RPA1: variants seen among roughly 807,000 people sequenced by gnomAD.
RPA1 encodes replication protein A1.
RPA1 carries 49 observed loss-of-function variants against 83.0 expected under a neutral mutation model. That is an observed-to-expected ratio of 0.59 (90% CI 0.47 to 0.75). The LOEUF is 0.75. Ranked by LOEUF, RPA1 falls within the 30% of genes least tolerant of loss-of-function variation. The pLI is 0.00. For missense variants in RPA1, 693 were observed against 776.1 expected (o/e 0.89, Z 1.27); for synonymous variants, 279 against 281.8 (o/e 0.99, Z 0.10).
intron 4 of RPA1, among the ~76,000 whole-genome samples, chr17:1,847,100 G>A (rs1407333278): frequency 6.6e-6 from 1 of 151,900 alleles, no homozygotes; most frequent in Non-Finnish European, 1.5e-5. Flanking sequence ...TTCTTTAATC[G>A]GCTTTGCCTC....
rs563534793 is a variant in RPA1, at chr17:1,889,948, C to T, written c.1551+1097C>T. ...CCGGGAGGCAGAGGTTGCAGTGAGC[C>T]GAGATCACACCACTGCACTCCAGCC... On this transcript the variant is annotated intron_variant, in intron 14 of 16. Transcript: ENST00000254719. 9.9e-5 allele frequency among the ~76,000 whole-genome samples: 15 copies of T among 151,168 alleles called. No homozygotes were observed. In the South Asian group the frequency reaches 3.2e-3, roughly 32 times the overall value.
intron 5 of RPA1, among the ~76,000 whole-genome samples, chr17:1,855,557 A>G: frequency 6.6e-6 from 1 of 152,146 alleles, no homozygotes; most frequent in East Asian, 1.9e-4. Flanking sequence ...TTCTTTTTAC[A>G]TATTGTTGGA....
chr17:1,833,690 A>G (rs973215616), intron 1 of RPA1, among the ~76,000 whole-genome samples: 2 of 151,644 alleles, frequency 1.3e-5, no homozygotes, highest in African/African-American at 2.4e-5. Flanking sequence ...CTCTGTCTCT[A>G]TTAGAAATAC....
intron 13 of RPA1, 33 bp from the exon 14 acceptor site, chr17:1,888,642 C>G (rs1039669835): frequency 1.9e-6 from 3 of 1,587,634 alleles, no homozygotes; most frequent in Non-Finnish European, 2.6e-6. Context: ...GGGCTCGCGA[C>G]TCCGTGCCTC....
At chr17:1,837,399 T>C (rs1459124310) in intron 1 of RPA1, among the ~76,000 whole-genome samples, 1 of 152,202 alleles carries the variant, frequency 6.6e-6, no homozygotes, top group Non-Finnish European at 1.5e-5. Flanking sequence ...GTTATTTTCA[T>C]CTTTTGGCTA....
intron 14 of RPA1, 145 bp from the exon 15 acceptor site, chr17:1,891,687 TG>T: frequency 1.9e-6 from 1 of 523,248 alleles, no homozygotes; most frequent in African/African-American, 1.9e-5. Context: ...CCCAAAGTGC[TG>T]GGATGACAGG....
At chr17:1,837,590 C>T (rs1911874141) in intron 1 of RPA1, among the ~76,000 whole-genome samples, 1 of 152,172 alleles carries the variant, frequency 6.6e-6, no homozygotes. Context: ...ATATCCTTGC[C>T]AGTCATCAGT....
At chr17:1,886,369 T>C (rs1913990629) in intron 13 of RPA1, among the ~76,000 whole-genome samples, 1 of 152,248 alleles carries the variant, frequency 6.6e-6, no homozygotes, top group Admixed American at 6.5e-5. Context: ...ACATGGTCAA[T>C]GAGCACTGGC....
intron 15 of RPA1, among the ~76,000 whole-genome samples, chr17:1,893,521 G>A (rs553559618): frequency 4.6e-5 from 7 of 152,120 alleles, no homozygotes; most frequent in African/African-American, 4.8e-5. Context: ...CACGCCGTGC[G>A]TGACTTGCAA....
chr17:1,854,876 G>A (rs1418853777), intron 5 of RPA1, among the ~76,000 whole-genome samples: 2 of 152,134 alleles, frequency 1.3e-5, no homozygotes, highest in Non-Finnish European at 2.9e-5. Context: ...ACTATAGAAG[G>A]AAAACAAATG....
intron 5 of RPA1, among the ~76,000 whole-genome samples, chr17:1,863,882 A>G (rs1245841226): frequency 6.6e-6 from 1 of 152,230 alleles, no homozygotes; most frequent in African/African-American, 2.4e-5. Context: ...TCAATCATGA[A>G]TATTTGGAAA....
At chr17:1,881,556 C>G (rs1011584462) in intron 12 of RPA1, among the ~76,000 whole-genome samples, 1 of 152,166 alleles carries the variant, frequency 6.6e-6, no homozygotes, top group Non-Finnish European at 1.5e-5. Context: ...CTGCAGGGCC[C>G]GTTCATAGTC....
chr17:1,837,301 C>A (rs1021188574), intron 1 of RPA1, among the ~76,000 whole-genome samples: 11 of 152,150 alleles, frequency 7.2e-5, no homozygotes, highest in African/African-American at 2.4e-4. Flanking sequence ...CATGTTAATT[C>A]AGTAATCTGC....
At position 1,890,377 on chromosome 17, in the gene RPA1, A is replaced by T. The variant is rs370142168; in HGVS notation, c.1552-1456A>T. Among the ~76,000 whole-genome samples the T allele has an allele frequency of 1.9e-4, 28 of 149,064 alleles. No homozygotes were observed. The East Asian group carries it at 3.0e-3, about 16-fold the overall frequency. On this transcript the variant is annotated intron_variant, in intron 14 of 16. Coordinates refer to ENST00000254719, the MANE Select transcript of RPA1 (RefSeq NM_002945.5). ...AGACCCTGTCTTTAAAAAATAAATA[A>T]ATAGGCCGGGCACGGTGGCTCACGC...
At chr17:1,832,015 G>A (rs1911637105) in intron 1 of RPA1, among the ~76,000 whole-genome samples, 1 of 146,302 alleles carries the variant, frequency 6.8e-6, no homozygotes, top group Non-Finnish European at 1.5e-5. Context: ...TGCAACCTCT[G>A]CCTTCTGGGT....
rs377754362 is a variant in RPA1 at position 1,848,073 on chromosome 17, C to T, written c.272+3387C>T. Among the ~76,000 whole-genome samples, 208 of 152,034 alleles carry T rather than the reference C, an allele frequency of 1.4e-3. 5 individuals carry two copies. In the South Asian group the frequency reaches 0.042, roughly 31 times the overall value. ...AGAAACAAATTCAATGACTGGTTCT[C>T]AGGGGTGGTAGAGTGTGGAGTGACT... On this transcript the variant is annotated intron_variant, in intron 4 of 16. Transcript: ENST00000254719.
chr17:1,835,524 T>C (rs139556597), intron 1 of RPA1, among the ~76,000 whole-genome samples: 6 of 152,272 alleles, frequency 3.9e-5, no homozygotes, highest in African/African-American at 1.4e-4. Context: ...CATATACTTT[T>C]CTTTCATAAG....
intron 9 of RPA1, 58 bp from the exon 10 acceptor site, chr17:1,879,156 AG>A: frequency 6.2e-7 from 1 of 1,608,720 alleles, no homozygotes; most frequent in Non-Finnish European, 8.5e-7. Flanking sequence ...GTGGCAGACT[AG>A]GGGTTTCTGT....
chr17:1,846,735 T>C (rs550760348), intron 4 of RPA1, among the ~76,000 whole-genome samples: 3 of 152,322 alleles, frequency 2.0e-5, no homozygotes, highest in East Asian at 1.9e-4. Context: ...ATTTCACTTA[T>C]TGAGTTCCAG....
Sources: allele counts gnomAD v4.1 joint callset (sites outside exome capture counted in the v4.1 genomes callset), GRCh38; gene constraint gnomAD v4.1.1; transcripts MANE v1.5; gene names NCBI Gene and HGNC (gene_info 2026-07-23, HGNC 2026-07-21).